The following MYCBP2 variants were observed in gnomAD, a reference collection of about 807,000 sequenced individuals.
MYCBP2 encodes E3 ubiquitin-protein ligase MYCBP2.
Under a neutral mutation model 525.3 loss-of-function variants are expected in MYCBP2, and 120 were observed. That is an observed-to-expected ratio of 0.23 (90% CI 0.20 to 0.27). The LOEUF is 0.27. MYCBP2 is among the 10% of genes least tolerant of loss of function. The probability of loss-of-function intolerance (pLI) is 1.00; values close to 1 mark genes in which losing one functional copy is unlikely to be tolerated. For synonymous variants in MYCBP2, 1,894 were observed against 1,955.8 expected (o/e 0.97, Z 0.83); for missense variants, 4,149 against 5,657.1 (o/e 0.73, Z 8.55).
intron 18 of MYCBP2, among the ~76,000 whole-genome samples, chr13:77,232,239 A>T (rs951238589): frequency 3.3e-5 from 5 of 152,212 alleles, no homozygotes; most frequent in Non-Finnish European, 7.4e-5. Flanking sequence ...GGATCCAAAC[A>T]TTAATTAGAT....
intron 4 of MYCBP2, among the ~76,000 whole-genome samples, chr13:77,278,392 C>A (rs534890695): frequency 6.6e-5 from 10 of 152,204 alleles, no homozygotes; most frequent in Admixed American, 2.0e-4. Context: ...CGAACTTCAA[C>A]TCTTAAACCA....
At chr13:77,197,292 C>T (rs2061854312) in intron 26 of MYCBP2, among the ~76,000 whole-genome samples, 1 of 151,864 alleles carries the variant, frequency 6.6e-6, no homozygotes, top group South Asian at 2.1e-4. Flanking sequence ...GTGGCTAGTC[C>T]AAGACAAATA....
rs773163249 is a variant in MYCBP2, at chr13:77,161,891, C to T, written c.6597+15G>A. Reference sequence around the variant, plus strand: ...TAATGTACAAAGTTTATCCTTAAAACATTTGGGACAATACCTGCAATGCAG... The same window carrying T: ...TAATGTACAAAGTTTATCCTTAAAATATTTGGGACAATACCTGCAATGCAG... On this transcript the variant is annotated intron_variant, in intron 44 of 82. Coordinates refer to ENST00000544440, the MANE Select transcript of MYCBP2 (RefSeq NM_015057.5). 1.9e-6 allele frequency: 3 copies of T among 1,596,674 alleles called. No homozygotes were observed. In the South Asian group the frequency reaches 3.4e-5, roughly 18 times the overall value.
At position 77,164,554 on chromosome 13, in the gene MYCBP2, A is replaced by G. The variant is rs776040919; in HGVS notation, c.6460-13T>C. ...ATTGGATGACTCCCTATGGAATTGC[A>G]TAAAATTTGCTGCTTTAAAAATGTT... On this transcript the variant is annotated splice_polypyrimidine_tract_variant and intron_variant, in intron 42 of 82. Transcript: ENST00000544440. 7.7e-6 allele frequency: 12 copies of G among 1,548,550 alleles called. No homozygotes were observed. Among genetic ancestry groups the G allele is most frequent in the Admixed American group, 1.7e-5 (1 of 59,786 alleles).
At chr13:77,305,927 T>C (rs2079363441) in intron 1 of MYCBP2, among the ~76,000 whole-genome samples, 1 of 152,178 alleles carries the variant, frequency 6.6e-6, no homozygotes, top group Admixed American at 6.5e-5. Flanking sequence ...TTTAACAGTG[T>C]ATTCAACTAT....
chr13:77,300,562 C>G (rs1348677445), intron 1 of MYCBP2, among the ~76,000 whole-genome samples: 1 of 152,056 alleles, frequency 6.6e-6, no homozygotes, highest in African/African-American at 2.4e-5. Flanking sequence ...TTTGTTTGCT[C>G]GCCCCAGATC....
At chr13:77,095,256 T>A in intron 58 of MYCBP2, 102 bp downstream of exon 58, 4 of 1,394,356 alleles carry the variant, frequency 2.9e-6, no homozygotes, top group Non-Finnish European at 3.9e-6. Flanking sequence ...TAGTACACAA[T>A]AGCTAATAAA....
intron 55 of MYCBP2, among the ~76,000 whole-genome samples, chr13:77,101,859 A>G (rs575507112): frequency 1.2e-4 from 19 of 152,174 alleles, no homozygotes; most frequent in African/African-American, 4.6e-4. Flanking sequence ...GTTATTAAAT[A>G]TTACTAAAAA....
In MYCBP2 at chr13:77,139,310, C is replaced by T. The variant is rs375236072; in HGVS notation, c.7545G>A (p.Leu2515=). 8 of 1,613,440 alleles carry T rather than the reference C, an allele frequency of 5.0e-6. No homozygotes were observed. The African/African-American group carries it at 5.3e-5, about 11-fold the overall frequency. The change falls in exon 52 of 83, where the codon CTG becomes CTA. Residue 2515 remains leucine, a synonymous_variant. Transcript: ENST00000544440. The stretch of plus-strand genomic sequence containing the variant: ...TCTTTATTGTCTCATCATTCAGCCT[C>T]AGCCACACACCATCATCATTATGGA... The part of the protein sequence containing the change: ...DEIHNDDGVW[L]RLNDETIKKY...
chr13:77,100,727 C>T (rs940945014), intron 55 of MYCBP2, among the ~76,000 whole-genome samples: 7 of 151,780 alleles, frequency 4.6e-5, no homozygotes, highest in African/African-American at 1.7e-4. Flanking sequence ...AAACATAATG[C>T]TTTTTAGTTT....
intron 66 of MYCBP2, 38 bp from the exon 67 acceptor site, chr13:77,077,425 T>A (rs754565850): frequency 3.1e-6 from 5 of 1,610,208 alleles, no homozygotes; most frequent in Non-Finnish European, 4.2e-6. Flanking sequence ...CTGATTCAGC[T>A]GGATCACTTT....
At position 77,077,279 on chromosome 13, in the gene MYCBP2, G is replaced by A. The variant is rs1258270536; in HGVS notation, c.11593C>T (p.Arg3865Ter). ...LKGPENTLRV[R>*]QVKVLGWKDG... ...TTCCAGCCCAGGACTTTGACTTGTC[G>A]AACTCTCAGTGTATTTTCTGGGCCT... Residue 3865 changes from arginine to a stop codon, truncating the protein, a stop_gained, in exon 67 of 83, where the codon CGA (arginine) becomes TGA (stop). Transcript: ENST00000544440. LOFTEE classifies it high-confidence loss of function. 6.2e-7 allele frequency: 1 copy of A among 1,613,738 alleles called. No homozygotes were observed. Among genetic ancestry groups the A allele is most frequent in the African/African-American group, 1.3e-5 (1 of 74,842 alleles).
rs569525428 is a variant in MYCBP2, at chr13:77,235,968, A to T, written c.2630-2705T>A. On this transcript the variant is annotated intron_variant, in intron 17 of 82. Coordinates refer to ENST00000544440, the MANE Select transcript of MYCBP2 (RefSeq NM_015057.5). ...AGAGAGATGAGGCTGTAGAGATAAA[A>T]GTATATCCTTCATCCTAAGGACTAT... 5.8e-4 allele frequency among the ~76,000 whole-genome samples: 88 copies of T among 152,316 alleles called. 1 individual carries two copies. The South Asian group carries it at 6.2e-3, about 11-fold the overall frequency.
Position 77,081,093 on chromosome 13 carries a change from T to C in MYCBP2, c.11418+334A>G, listed in dbSNP as rs956157366. 2.6e-4 allele frequency: 59 copies of C among 229,962 alleles called. No individual in the cohort carries two copies. The highest frequency in any genetic ancestry group is 1.6e-3 in the Admixed American group (30 of 19,090). 14.2% of individuals were successfully genotyped at this position (229,962 alleles called of 1,614,324 possible). ...CTGAGTTTGAGAGACCCTGGAAGAA[T>C]TGATCAGCAGAGTTTAAGGGGAGGA... On this transcript the variant is annotated intron_variant, in intron 65 of 82. Coordinates refer to ENST00000544440, the MANE Select transcript of MYCBP2 (RefSeq NM_015057.5). This position sits in a 1 kb window ranked among gnomAD's most constrained non-coding sequence, Gnocchi z 4.6.
chr13:77,263,418 G>T (rs1268658343), intron 10 of MYCBP2, among the ~76,000 whole-genome samples: 2 of 151,894 alleles, frequency 1.3e-5, no homozygotes, highest in African/African-American at 2.4e-5. Flanking sequence ...GCAAAAAAGA[G>T]AAATTATTAG....
chr13:77,185,428 A>G, intron 31 of MYCBP2, 51 bp from the exon 32 acceptor site: 1 of 1,535,436 alleles, frequency 6.5e-7, no homozygotes. Flanking sequence ...TTAAATATGC[A>G]TGAAAACAAT....
Position 77,233,151 on chromosome 13 carries a change from A to AAT in MYCBP2, c.2737+3_2737+4dup. The AAT allele has an allele frequency of 6.2e-7, 1 of 1,612,266 alleles. No individual in the cohort carries two copies. Among genetic ancestry groups the AAT allele is most frequent in the South Asian group, 1.1e-5 (1 of 90,872 alleles). On this transcript the variant is annotated splice_donor_region_variant and intron_variant, in intron 18 of 82. Coordinates refer to ENST00000544440, the MANE Select transcript of MYCBP2 (RefSeq NM_015057.5). ...CCCACCTAGGTGATAAGGAAGACCA[A>AAT]ATACCTTTGTGCTTGTCCCGTTTAT... is the stretch of plus-strand genomic sequence containing the variant.
At chr13:77,104,845 C>T (rs1184505005) in intron 55 of MYCBP2, among the ~76,000 whole-genome samples, 1 of 152,100 alleles carries the variant, frequency 6.6e-6, no homozygotes, top group African/African-American at 2.4e-5. Flanking sequence ...TAGATAGCAA[C>T]ATACCATGGC....
In MYCBP2 at chr13:77,096,463, C is replaced by G; in HGVS notation, c.9803G>C (p.Gly3268Ala). Residue 3268 changes from glycine (G) to alanine (A), a missense_variant, in exon 57 of 83, where the codon GGT (glycine) becomes GCT (alanine). Gly to Ala is a moderately conservative substitution (Grantham distance 60). Transcript: ENST00000544440. ...CCCAATGCTATTGTAACCTTGTCCACCAGCATATCGGCCACAACCTTGAAA... is the reference window on the plus strand; with the variant it reads ...CCCAATGCTATTGTAACCTTGTCCAGCAGCATATCGGCCACAACCTTGAAA... ...QAHPGCGRYA[G>A]GQGYNSIGHF... The G allele has an allele frequency of 1.9e-6, 3 of 1,613,146 alleles. No individual in the cohort carries two copies. Among genetic ancestry groups the G allele is most frequent in the Non-Finnish European group, 2.5e-6 (3 of 1,179,446 alleles).
Sources: allele counts gnomAD v4.1 joint callset (sites outside exome capture counted in the v4.1 genomes callset), GRCh38; gene constraint gnomAD v4.1.1; non-coding constraint Gnocchi (gnomAD v3.1); transcripts MANE v1.5; gene names NCBI Gene and HGNC (gene_info 2026-07-23, HGNC 2026-07-21).